The following SMYD3 variants were observed in gnomAD, a reference collection of about 807,000 sequenced individuals.
SMYD3 encodes the protein SET and MYND domain containing 3, also known as histone-lysine N-methyltransferase SMYD3.
SMYD3 carries 36 observed loss-of-function variants against 57.7 expected under a neutral mutation model. That is an observed-to-expected ratio of 0.62 (90% CI 0.48 to 0.82). SMYD3 has a LOEUF of 0.82. Among genes scored for constraint, SMYD3 ranks in the 40% least tolerant of loss-of-function variants. The pLI, the probability that SMYD3 is intolerant of heterozygous loss-of-function variation, is 0.00. For synonymous variants in SMYD3, 211 were observed against 195.0 expected (o/e 1.08, Z -0.68); for missense variants, 515 against 538.8 (o/e 0.96, Z 0.44).
At chr1:245,851,870 G>C (rs1050253585) in intron 10 of SMYD3, among the ~76,000 whole-genome samples, 1 of 152,184 alleles carries the variant, frequency 6.6e-6, no homozygotes, top group African/African-American at 2.4e-5. Flanking sequence ...AAACACTATA[G>C]AGATGTATGG....
At position 245,842,757 on chromosome 1, in the gene SMYD3, G is replaced by A. The variant is rs184850903; in HGVS notation, c.1076+15739C>T. The stretch of plus-strand genomic sequence containing the variant: ...GGGGTCTTGTTCTGTTGCCCAGGCT[G>A]GAGTGCAGTGGTACAATCAAAGCTA... On this transcript the variant is annotated intron_variant, in intron 10 of 11. Coordinates refer to ENST00000490107, the MANE Select transcript of SMYD3 (RefSeq NM_001167740.2). Among the ~76,000 whole-genome samples, 386 of 152,156 alleles carry A rather than the reference G, an allele frequency of 2.5e-3. 2 individuals carry two copies. Among genetic ancestry groups the A allele is most frequent in the African/African-American group, 8.8e-3 (365 of 41,520 alleles).
chr1:246,177,074 AG>A (rs2062447218), intron 5 of SMYD3, among the ~76,000 whole-genome samples: 1 of 152,234 alleles, frequency 6.6e-6, no homozygotes, highest in Non-Finnish European at 1.5e-5. Context: ...GAGGGTATAA[AG>A]ATCTATGATT....
At chr1:245,916,912 C>T (rs1381958087) in intron 7 of SMYD3, among the ~76,000 whole-genome samples, 11 of 152,194 alleles carry the variant, frequency 7.2e-5, no homozygotes, top group South Asian at 2.1e-4. Flanking sequence ...GGTGCCAGTG[C>T]GCACTGTGGG....
intron 5 of SMYD3, among the ~76,000 whole-genome samples, chr1:246,102,897 A>G (rs1035065979): frequency 2.0e-5 from 3 of 152,158 alleles, no homozygotes; most frequent in Admixed American, 2.0e-4. Context: ...TCAAAACAAA[A>G]AACAAAAACT....
chr1:245,990,332 T>G (rs1329827514), intron 5 of SMYD3, among the ~76,000 whole-genome samples: 1 of 152,106 alleles, frequency 6.6e-6, no homozygotes, highest in Non-Finnish European at 1.5e-5. Flanking sequence ...CAAGCAATCC[T>G]CCCGCCTGGG....
intron 10 of SMYD3, among the ~76,000 whole-genome samples, chr1:245,803,878 AGATATCCCT>A (rs1428803353): frequency 6.6e-6 from 1 of 151,872 alleles, no homozygotes; most frequent in Non-Finnish European, 1.5e-5. Flanking sequence ...GCTTGAGGCC[AGATATCCCT>A]GGACTTTCCA....
chr1:246,491,715 A>G (rs1161843618), intron 1 of SMYD3, among the ~76,000 whole-genome samples: 1 of 152,184 alleles, frequency 6.6e-6, no homozygotes, highest in Admixed American at 6.5e-5. Flanking sequence ...GGCTGATACC[A>G]TCGGTCCTCT....
chr1:245,833,765 C>T (rs2049972407), intron 10 of SMYD3, among the ~76,000 whole-genome samples: 1 of 152,082 alleles, frequency 6.6e-6, no homozygotes, highest in African/African-American at 2.4e-5. Context: ...GCATCTTGTG[C>T]AGGCAGGGAC....
chr1:246,321,199 C>T (rs1389796294), intron 5 of SMYD3, among the ~76,000 whole-genome samples: 3 of 152,182 alleles, frequency 2.0e-5, no homozygotes, highest in Non-Finnish European at 4.4e-5. Context: ...ATCTGAGACT[C>T]TAGTTTACAA....
chr1:245,817,610 G>A (rs533160405), intron 10 of SMYD3, among the ~76,000 whole-genome samples: 5,896 of 151,932 alleles, frequency 0.039, 113 homozygotes, highest in South Asian at 0.063. Flanking sequence ...AGCTATGGGA[G>A]GACATTCAAA....
intron 5 of SMYD3, among the ~76,000 whole-genome samples, chr1:246,258,603 G>T (rs1389548357): frequency 6.6e-6 from 1 of 152,112 alleles, no homozygotes; most frequent in East Asian, 1.9e-4. Context: ...GCCTGATAGG[G>T]CTCCTGTTGT....
chr1:245,864,944 A>G (rs959175108), intron 8 of SMYD3, among the ~76,000 whole-genome samples: 1 of 152,210 alleles, frequency 6.6e-6, no homozygotes, highest in African/African-American at 2.4e-5. Context: ...AAAAAATTCA[A>G]AAGAAAATTA....
chr1:245,959,125 AAAC>A (rs1312222511), intron 5 of SMYD3, among the ~76,000 whole-genome samples: 3 of 123,666 alleles, frequency 2.4e-5, no homozygotes, highest in South Asian at 3.4e-4. Context: ...GTTTCTCAAA[AAAC>A]AAACAAACAA....
At chr1:245,811,028 T>A (rs553377315) in intron 10 of SMYD3, among the ~76,000 whole-genome samples, 65 of 152,330 alleles carry the variant, frequency 4.3e-4, no homozygotes, top group African/African-American at 1.6e-3. Flanking sequence ...TGATGCATCT[T>A]CCAATTCAAC....
At chr1:245,958,943 C>T (rs1038839100) in intron 5 of SMYD3, among the ~76,000 whole-genome samples, 10 of 152,206 alleles carry the variant, frequency 6.6e-5, no homozygotes, top group Middle Eastern at 3.4e-3. Context: ...AGTTTCATTC[C>T]GTCTCCCAGG....
chr1:246,115,984 C>T (rs1000409128), intron 5 of SMYD3, among the ~76,000 whole-genome samples: 3 of 151,682 alleles, frequency 2.0e-5, no homozygotes, highest in Admixed American at 1.3e-4. Flanking sequence ...ACTAAAAATA[C>T]AAAAATTAGC....
At chr1:245,961,534 G>A (rs556022578) in intron 5 of SMYD3, among the ~76,000 whole-genome samples, 22 of 996 alleles carry the variant, frequency 0.022, no homozygotes, top group African/African-American at 0.028. Context: ...CCAAACTGGA[G>A]GCCTAAATCA....
At chr1:245,794,866 T>TG (rs1314752922) in intron 10 of SMYD3, among the ~76,000 whole-genome samples, 1 of 152,220 alleles carries the variant, frequency 6.6e-6, no homozygotes, top group African/African-American at 2.4e-5. Context: ...CACATATGTT[T>TG]GTCCCCCAAT....
chr1:246,056,736 T>A (rs777736057), intron 5 of SMYD3, among the ~76,000 whole-genome samples: 15 of 151,050 alleles, frequency 9.9e-5, no homozygotes, highest in South Asian at 2.1e-4. Flanking sequence ...TATCGAAATA[T>A]CACTCTGTAG....
Sources: allele counts gnomAD v4.1 joint callset (sites outside exome capture counted in the v4.1 genomes callset), GRCh38; gene constraint gnomAD v4.1.1; transcripts MANE v1.5; gene names NCBI Gene and HGNC (gene_info 2026-07-23, HGNC 2026-07-21).